BSND: variants seen among roughly 807,000 people sequenced by gnomAD.
BSND encodes barttin.
A neutral mutation model predicts 18.8 loss-of-function variants in BSND; 13 were observed. The ratio of observed to expected loss-of-function variants is 0.69; its 90% CI spans 0.45 to 1.10. The LOEUF is 1.10. Ranked by LOEUF, BSND falls within the 50% of genes least tolerant of loss-of-function variation. The pLI is 0.00. For missense variants in BSND, 379 were observed against 416.7 expected, an observed-to-expected ratio of 0.91 and a Z score of 0.79; for synonymous variants, 170 against 161.8, an observed-to-expected ratio of 1.05 and a Z score of -0.39.
rs749985123 is a variant in BSND at position 55,008,236 on chromosome 1, C to T, written c.571C>T (p.Pro191Ser). 2 of 1,614,176 alleles carry T rather than the reference C, an allele frequency of 1.2e-6. No homozygotes were observed. Among genetic ancestry groups the T allele is most frequent in the Admixed American group, 1.7e-5 (1 of 60,028 alleles). ...CAGCCCCCTGGCCTGTCCCCAGGGC[C>T]CTGCCCCCTTGGCTTCCTTCCAAGA... ...WPGPLACPQG[P>S]APLASFQDDL... is the part of the protein sequence containing the mutation. The change falls in exon 4 of 4, where the codon CCT becomes TCT. Residue 191 changes from proline (P) to serine (S), a missense_variant. Transcript: ENST00000651561.
intron 1 of BSND, among the ~76,000 whole-genome samples, chr1:55,002,679 C>A (rs1644366799): frequency 6.6e-6 from 1 of 152,206 alleles, no homozygotes; most frequent in African/African-American, 2.4e-5. Flanking sequence ...AAAAAACTTG[C>A]ATTTTAAGAT....
rs1047293721 is a variant in BSND, at chr1:55,016,246, C to G, written c.*7618C>G. On this transcript the variant is annotated 3_prime_UTR_variant, in exon 4 of 4. Coordinates refer to ENST00000651561, the MANE Select transcript of BSND (RefSeq NM_057176.3). ...AGAGAGACAGATGGAGAGAGAGAGA[C>G]AGAGAGAGAGAACTAGAAATCAGAC... 3.3e-5 allele frequency among the ~76,000 whole-genome samples: 5 copies of G among 151,946 alleles called. No homozygotes were observed. The highest frequency in any genetic ancestry group is 6.6e-5 in the Admixed American group (1 of 15,260).
intron 1 of BSND, 62 bp downstream of exon 1, chr1:54,999,425 G>A: frequency 6.6e-7 from 1 of 1,523,264 alleles, no homozygotes; most frequent in African/African-American, 1.4e-5. Context: ...TGGACACTGT[G>A]CCTGTATGCC....
chr1:55,003,325 A>G (rs558033832), intron 1 of BSND, among the ~76,000 whole-genome samples: 11 of 152,260 alleles, frequency 7.2e-5, no homozygotes, highest in Admixed American at 2.0e-4. Context: ...GGATCAACCA[A>G]TCCTCCTGCC....
Position 55,008,524 on chromosome 1 carries a change from G to A in BSND, c.859G>A (p.Glu287Lys), listed in dbSNP as rs376784896. 3 of 1,614,086 alleles carry A rather than the reference G, an allele frequency of 1.9e-6. No individual in the cohort carries two copies. Among genetic ancestry groups the A allele is most frequent in the Non-Finnish European group, 2.5e-6 (3 of 1,180,034 alleles). ...EKEASDTGGEEPEKEEEDLYY... is the reference protein window; with the variant it reads ...EKEASDTGGEKPEKEEEDLYY... ...GGAGGCTTCGGACACAGGTGGGGAG[G>A]AACCTGAGAAGGAAGAGGAAGACCT... The change falls in exon 4 of 4, where the codon GAA becomes AAA. Residue 287 changes from glutamate to lysine, a missense_variant. Physicochemically the swap from Glu to Lys is moderately conservative, Grantham distance 56 (BLOSUM62 1). Transcript: ENST00000651561.
At chr1:55,001,695 C>CT (rs1192445480) in intron 1 of BSND, among the ~76,000 whole-genome samples, 1 of 152,024 alleles carries the variant, frequency 6.6e-6, no homozygotes. Context: ...CTTTTAGGGG[C>CT]TAGAGGTCTA....
At position 54,999,440 on chromosome 1, in the gene BSND, C is replaced by G. The variant is rs1644350486; in HGVS notation, c.177+77C>G. ...TGGACACTGTGCCTGTATGCCATGC[C>G]TCACCCCCTATCCTTTAGTTGTCTT... On this transcript the variant is annotated intron_variant, in intron 1 of 3. Transcript: ENST00000651561. 2.8e-6 allele frequency: 4 copies of G among 1,437,112 alleles called. No homozygotes were observed. In the South Asian group the frequency reaches 5.2e-5, roughly 19 times the overall value. The allele number at this position is 1,437,112 out of a possible 1,614,324, so 89.0% of individuals were successfully genotyped here.
Position 55,014,019 on chromosome 1 carries a change from G to A in BSND, c.*5391G>A, listed in dbSNP as rs1020320703. ...CCATCTCCACTGCACCCTCTCCTCCGAATCCCTCCTAAACTGTGTGCCCCG... is the reference window on the plus strand; with the variant it reads ...CCATCTCCACTGCACCCTCTCCTCCAAATCCCTCCTAAACTGTGTGCCCCG... On this transcript the variant is annotated 3_prime_UTR_variant, in exon 4 of 4. Transcript: ENST00000651561. Among the ~76,000 whole-genome samples, 27 of 152,174 alleles carry A rather than the reference G, an allele frequency of 1.8e-4. No individual in the cohort carries two copies. The highest frequency in any genetic ancestry group is 5.8e-4 in the East Asian group (3 of 5,162).
In BSND at chr1:55,013,158, T is replaced by TTGTG. The variant is rs1557488128; in HGVS notation, c.*4531_*4532insGTGT. Among the ~76,000 whole-genome samples, 1 of 151,196 alleles carries TTGTG rather than the reference T, an allele frequency of 6.6e-6. No homozygotes were observed. Among genetic ancestry groups the TTGTG allele is most frequent in the African/African-American group, 2.5e-5 (1 of 40,656 alleles). ...TTGGTGTATTGTCCCCATTTTATTT[T>TTGTG]TATGTATTTATTTATTTATTTTGAG... is the stretch of plus-strand genomic sequence containing the variant. On this transcript the variant is annotated 3_prime_UTR_variant, in exon 4 of 4. Transcript: ENST00000651561.
intron 1 of BSND, among the ~76,000 whole-genome samples, 178 bp downstream of exon 1, chr1:54,999,541 A>T (rs1207551728): frequency 6.6e-6 from 1 of 151,840 alleles, no homozygotes; most frequent in Non-Finnish European, 1.5e-5. Context: ...CCATCCATCC[A>T]TCCATCCATC....
chr1:55,006,848 C>T, intron 2 of BSND, 149 bp from the exon 3 acceptor site: 1 of 1,164,976 alleles, frequency 8.6e-7, no homozygotes, highest in South Asian at 1.3e-5. Flanking sequence ...CCTCAGCCTC[C>T]TCATCCCTGA....
In BSND at chr1:55,005,805, G is replaced by A. The variant is rs117381234; in HGVS notation, c.272+689G>A. 5.4e-4 allele frequency among the ~76,000 whole-genome samples: 82 copies of A among 152,300 alleles called. 1 individual carries two copies. In the East Asian group the frequency reaches 0.015, roughly 28 times the overall value. On this transcript the variant is annotated intron_variant, in intron 2 of 3. Coordinates refer to ENST00000651561, the MANE Select transcript of BSND (RefSeq NM_057176.3). ...ATACAGCTAGGAAGATTGAGGCTCA[G>A]AGAAGTGTAGTCACTAGCCCCAAAC...
chr1:55,001,637 A>G (rs1644362274), intron 1 of BSND, among the ~76,000 whole-genome samples: 1 of 152,104 alleles, frequency 6.6e-6, no homozygotes, highest in Non-Finnish European at 1.5e-5. Flanking sequence ...TAATTAGGAT[A>G]TAGGGGTGAG....
chr1:55,001,281 T>C (rs1644360555), intron 1 of BSND, among the ~76,000 whole-genome samples: 1 of 151,626 alleles, frequency 6.6e-6, no homozygotes, highest in Non-Finnish European at 1.5e-5. Context: ...CCATGGAACA[T>C]ATGTGAAGGC....
At position 55,010,740 on chromosome 1, in the gene BSND, G is replaced by C. The variant is rs1434911244; in HGVS notation, c.*2112G>C. On this transcript the variant is annotated 3_prime_UTR_variant, in exon 4 of 4. Transcript: ENST00000651561. ...TCTGCTGTCATGACTCAGGACAGGAGTTCCTGGTCACAGCTGAGTCTTCGG... is the reference window on the plus strand; with the variant it reads ...TCTGCTGTCATGACTCAGGACAGGACTTCCTGGTCACAGCTGAGTCTTCGG... The C allele has an allele frequency of 6.6e-6, 1 of 152,274 alleles. No homozygotes were observed. Among genetic ancestry groups the C allele is most frequent in the African/African-American group, 2.4e-5 (1 of 41,464 alleles). 9.4% of individuals were successfully genotyped at this position (152,274 alleles called of 1,614,324 possible). A position where few individuals can be genotyped will look rare whatever the true frequency, so the allele number is the denominator to read the frequency against.
chr1:55,006,901 G>C, intron 2 of BSND, 96 bp from the exon 3 acceptor site: 1 of 1,571,688 alleles, frequency 6.4e-7, no homozygotes, highest in Non-Finnish European at 8.7e-7. Context: ...TGTGAGGTGA[G>C]GGGAGACCAC....
chr1:55,001,362 A>T (rs1008731811), intron 1 of BSND, among the ~76,000 whole-genome samples: 1 of 151,736 alleles, frequency 6.6e-6, no homozygotes, highest in Non-Finnish European at 1.5e-5. Context: ...GGTGTGTGTG[A>T]GTGTGTGTTT....
chr1:55,000,880 G>A (rs1644358093), intron 1 of BSND, among the ~76,000 whole-genome samples: 1 of 152,200 alleles, frequency 6.6e-6, no homozygotes, highest in African/African-American at 2.4e-5. Context: ...GCAGAGGTGT[G>A]GAGAGGAGCA....
Position 55,008,239 on chromosome 1 carries a change from G to T in BSND, c.574G>T (p.Ala192Ser), listed in dbSNP as rs1644401495. 6.2e-7 allele frequency: 1 copy of T among 1,614,054 alleles called. No individual in the cohort carries two copies. Among genetic ancestry groups the T allele is most frequent in the African/African-American group, 1.3e-5 (1 of 74,942 alleles). ...PGPLACPQGP[A>S]PLASFQDDLD... Reference sequence around the variant, plus strand: ...CCCCCTGGCCTGTCCCCAGGGCCCTGCCCCCTTGGCTTCCTTCCAAGATGA... The same window carrying T: ...CCCCCTGGCCTGTCCCCAGGGCCCTTCCCCCTTGGCTTCCTTCCAAGATGA... The change falls in exon 4 of 4, where the codon GCC becomes TCC. Residue 192 changes from alanine to serine, a missense_variant. By Grantham distance (99) the Ala-to-Ser change is moderately conservative (BLOSUM62 1). Coordinates refer to ENST00000651561, the MANE Select transcript of BSND (RefSeq NM_057176.3).
Sources: allele counts gnomAD v4.1 joint callset (sites outside exome capture counted in the v4.1 genomes callset), GRCh38; gene constraint gnomAD v4.1.1; transcripts MANE v1.5; gene names NCBI Gene and HGNC (gene_info 2026-07-23, HGNC 2026-07-21).